CCSER1: variants seen among roughly 807,000 people sequenced by gnomAD.
CCSER1 encodes serine-rich coiled-coil domain-containing protein 1.
CCSER1 carries 41 observed loss-of-function variants against 82.0 expected under a neutral mutation model. The observed-to-expected ratio is 0.50, with a 90% CI of 0.39 to 0.65. The LOEUF (loss-of-function observed/expected upper bound fraction) is 0.65, where lower values mean the gene tolerates loss of function less well. Among genes scored for constraint, CCSER1 ranks in the 30% least tolerant of loss-of-function variants. The pLI, the probability that CCSER1 is intolerant of heterozygous loss-of-function variation, is 0.00. For synonymous variants in CCSER1, 414 were observed against 383.9 expected, an observed-to-expected ratio of 1.08 and a Z score of -0.92; for missense variants, 1,119 against 1,064.2, an observed-to-expected ratio of 1.05 and a Z score of -0.72.
intron 10 of CCSER1, among the ~76,000 whole-genome samples, chr4:91,148,350 T>C (rs1729754881): frequency 6.6e-6 from 1 of 152,232 alleles, no homozygotes; most frequent in South Asian, 2.1e-4. Flanking sequence ...TTTTCGAAGC[T>C]GGAACTCTAT....
At chr4:90,936,771 A>G (rs1274119188) in intron 9 of CCSER1, among the ~76,000 whole-genome samples, 1 of 152,180 alleles carries the variant, frequency 6.6e-6, no homozygotes, top group African/African-American at 2.4e-5. Context: ...TCACTCAACT[A>G]GTATTTGTGT....
chr4:90,577,838 G>A (rs888127325), intron 5 of CCSER1, among the ~76,000 whole-genome samples: 6 of 151,858 alleles, frequency 4.0e-5, no homozygotes, highest in East Asian at 1.9e-4. Flanking sequence ...ATTTCATGCC[G>A]GTGCAGCAGA....
intron 10 of CCSER1, among the ~76,000 whole-genome samples, chr4:91,220,645 G>C (rs758046518): frequency 3.9e-5 from 6 of 152,152 alleles, no homozygotes; most frequent in Non-Finnish European, 8.8e-5. Flanking sequence ...AACGGTAGCA[G>C]TGTCTTTCTC....
intron 7 of CCSER1, among the ~76,000 whole-genome samples, chr4:90,808,580 C>T (rs1369666130): frequency 1.3e-5 from 2 of 152,030 alleles, no homozygotes; most frequent in African/African-American, 4.8e-5. Flanking sequence ...GGGTAAATGA[C>T]ATAAGCAGAC....
At chr4:91,029,208 G>A (rs1740754433) in intron 9 of CCSER1, among the ~76,000 whole-genome samples, 1 of 151,104 alleles carries the variant, frequency 6.6e-6, no homozygotes, top group African/African-American at 2.4e-5. Context: ...GCTCTCAAAA[G>A]TAATTATTTC....
intron 9 of CCSER1, among the ~76,000 whole-genome samples, chr4:90,956,096 A>G (rs998373103): frequency 2.0e-5 from 3 of 152,198 alleles, no homozygotes; most frequent in Admixed American, 1.3e-4. Context: ...TGGACACATC[A>G]TAAGTGTTTA....
chr4:91,223,143 T>G (rs962739902), intron 10 of CCSER1, among the ~76,000 whole-genome samples: 1 of 151,976 alleles, frequency 6.6e-6, no homozygotes, highest in Non-Finnish European at 1.5e-5. Context: ...TGAGTTTTGC[T>G]AAACAAAACA....
intron 3 of CCSER1, among the ~76,000 whole-genome samples, chr4:90,361,566 G>A (rs1257593486): frequency 6.6e-6 from 1 of 152,126 alleles, no homozygotes; most frequent in African/African-American, 2.4e-5. Context: ...TATATTATGT[G>A]ACACTGAAGT....
intron 4 of CCSER1, among the ~76,000 whole-genome samples, chr4:90,418,286 A>C (rs1206996031): frequency 6.6e-6 from 1 of 152,198 alleles, no homozygotes; most frequent in Non-Finnish European, 1.5e-5. Flanking sequence ...AAAATGTGAT[A>C]TACCTGTATG....
At chr4:91,196,425 T>G (rs999891884) in intron 10 of CCSER1, among the ~76,000 whole-genome samples, 3 of 151,338 alleles carry the variant, frequency 2.0e-5, no homozygotes, top group Non-Finnish European at 4.4e-5. Flanking sequence ...ACCACAAGAG[T>G]CAGAAATTGA....
chr4:90,536,280 C>T (rs1246003352), intron 5 of CCSER1, among the ~76,000 whole-genome samples: 7 of 152,082 alleles, frequency 4.6e-5, no homozygotes, highest in African/African-American at 1.4e-4. Flanking sequence ...GTGATGCGCC[C>T]GCCTCGGCCT....
chr4:90,899,984 C>T (rs1167481612), intron 8 of CCSER1, among the ~76,000 whole-genome samples: 2 of 151,656 alleles, frequency 1.3e-5, no homozygotes, highest in East Asian at 1.9e-4. Flanking sequence ...GAAGCATTCC[C>T]CCCTCCTTGT....
chr4:90,265,680 C>T (rs2153450862), intron 1 of CCSER1, among the ~76,000 whole-genome samples: 1 of 152,112 alleles, frequency 6.6e-6, no homozygotes, highest in Non-Finnish European at 1.5e-5. Context: ...ATATTTCATA[C>T]TTAAATTCTG....
intron 1 of CCSER1, among the ~76,000 whole-genome samples, chr4:90,276,253 T>TCTTC (rs1727680914): frequency 1.3e-4 from 10 of 79,030 alleles, no homozygotes; most frequent in African/African-American, 5.4e-4. Flanking sequence ...TTTCTTTCTT[T>TCTTC]CCTTCCTTCC....
intron 9 of CCSER1, among the ~76,000 whole-genome samples, chr4:90,957,568 A>ATATATTATTATTTATATTATATATAAT (rs1733628911): frequency 7.9e-6 from 1 of 125,812 alleles, no homozygotes; most frequent in East Asian, 2.0e-4. Context: ...ATATTATATA[A>ATATATTATTATTTATATTATATATAAT]TTATATTATA....
intron 9 of CCSER1, among the ~76,000 whole-genome samples, chr4:90,935,046 G>GTA (rs1295857251): frequency 1.3e-5 from 2 of 151,864 alleles, no homozygotes; most frequent in African/African-American, 4.8e-5. Flanking sequence ...ATGTGTGTGT[G>GTA]TATATATATT....
chr4:90,747,561 C>G (rs764671524), intron 7 of CCSER1, among the ~76,000 whole-genome samples: 4 of 151,698 alleles, frequency 2.6e-5, no homozygotes, highest in Non-Finnish European at 5.9e-5. Flanking sequence ...TTAATTTAAT[C>G]TACCTGTTTT....
intron 1 of CCSER1, among the ~76,000 whole-genome samples, chr4:90,168,547 G>T (rs1182866102): frequency 6.6e-6 from 1 of 152,138 alleles, no homozygotes; most frequent in Non-Finnish European, 1.5e-5. Flanking sequence ...TGAAGTCCTT[G>T]CCCATGCCTA....
At chr4:90,801,879 A>C (rs1450621927) in intron 7 of CCSER1, among the ~76,000 whole-genome samples, 1 of 152,200 alleles carries the variant, frequency 6.6e-6, no homozygotes, top group Non-Finnish European at 1.5e-5. Flanking sequence ...AGAATATACA[A>C]TCTATGCTAT....
Sources: allele counts gnomAD v4.1 joint callset (sites outside exome capture counted in the v4.1 genomes callset), GRCh38; gene constraint gnomAD v4.1.1; transcripts MANE v1.5; gene names NCBI Gene and HGNC (gene_info 2026-07-23, HGNC 2026-07-21).